Variants in ANAPC7 observed in about 807,000 individuals in gnomAD.
The protein encoded by ANAPC7 is anaphase-promoting complex subunit 7.
ANAPC7 carries 25 observed loss-of-function variants against 63.3 expected under a neutral mutation model. The ratio of observed to expected loss-of-function variants is 0.39; its 90% CI spans 0.29 to 0.55. The LOEUF is 0.55. Among genes scored for constraint, ANAPC7 ranks in the 20% least tolerant of loss-of-function variants. The pLI is 0.57. For missense variants in ANAPC7, 516 were observed against 691.7 expected (o/e 0.75, Z 2.85); for synonymous variants, 241 against 251.7 (o/e 0.96, Z 0.40).
intron 1 of ANAPC7, among the ~76,000 whole-genome samples, chr12:110,396,801 C>A (rs28653722): frequency 1.3e-5 from 2 of 151,842 alleles, no homozygotes; most frequent in African/African-American, 4.8e-5. Context: ...AGGCGTGAGC[C>A]ATCATGCCTG....
chr12:110,391,534 T>C (rs1883083799), intron 3 of ANAPC7, among the ~76,000 whole-genome samples: 1 of 152,160 alleles, frequency 6.6e-6, no homozygotes, highest in Non-Finnish European at 1.5e-5. Context: ...GTAAATGTTA[T>C]AGGTTTATGT....
At chr12:110,381,494 GC>G (rs892828871) in intron 8 of ANAPC7, among the ~76,000 whole-genome samples, 1 of 152,076 alleles carries the variant, frequency 6.6e-6, no homozygotes, top group Admixed American at 6.6e-5. Flanking sequence ...GAGCCACCAT[GC>G]CCAGCTAATT....
chr12:110,387,245 G>T, intron 5 of ANAPC7: 1 of 106,120 alleles, frequency 9.4e-6, no homozygotes, highest in Non-Finnish European at 2.0e-5. Context: ...GAGACAGAGA[G>T]ACAGAGAGAC....
At chr12:110,392,198 G>C (rs956656049) in intron 3 of ANAPC7, among the ~76,000 whole-genome samples, 21 of 151,454 alleles carry the variant, frequency 1.4e-4, no homozygotes, top group African/African-American at 5.1e-4. Flanking sequence ...TGGAGTAAGA[G>C]AAGACTTTCA....
At chr12:110,395,318 C>CTTTT in intron 2 of ANAPC7, 98 bp from the exon 3 acceptor site, 3 of 988,614 alleles carry the variant, frequency 3.0e-6, no homozygotes, top group Non-Finnish European at 4.2e-6. Context: ...CCCAGCAATT[C>CTTTT]TTTTTTTTTT....
At chr12:110,392,232 T>C (rs574910681) in intron 3 of ANAPC7, among the ~76,000 whole-genome samples, 1 of 152,292 alleles carries the variant, frequency 6.6e-6, no homozygotes. Flanking sequence ...CAGGATTTAG[T>C]ATACAGCATC....
At chr12:110,397,241 A>C (rs961810297) in intron 1 of ANAPC7, among the ~76,000 whole-genome samples, 6 of 150,736 alleles carry the variant, frequency 4.0e-5, no homozygotes, top group African/African-American at 1.5e-4. Context: ...GAAGTTTGAA[A>C]AAACCTGAAA....
intron 3 of ANAPC7, among the ~76,000 whole-genome samples, chr12:110,392,324 C>T (rs1050443310): frequency 6.6e-6 from 1 of 152,054 alleles, no homozygotes; most frequent in African/African-American, 2.4e-5. Context: ...GAAGAAATAG[C>T]TTCAAAAACT....
In ANAPC7 at chr12:110,382,456, AAAAAAATATATATATATAT is replaced by A. The variant is rs1373196747; in HGVS notation, c.935+368_935+386del. Among the ~76,000 whole-genome samples, 11 of 86,182 alleles carry A rather than the reference AAAAAAATATATATATATAT, an allele frequency of 1.3e-4. 1 individual carries two copies. The highest frequency in any genetic ancestry group is 1.1e-3 in the South Asian group (3 of 2,712). 56.5% of individuals were successfully genotyped at this position (86,182 alleles called of 152,430 possible). A position where few individuals can be genotyped will look rare whatever the true frequency, so the allele number is the denominator to read the frequency against. On this transcript the variant is annotated intron_variant, in intron 7 of 10. Transcript: ENST00000455511. Reference sequence around the variant, plus strand: ...ATTATCCTTTTAAAAAAAAAAAAAAAAAAAAATATATATATATATATATATATATATATATATATTTATA... The same window carrying A: ...ATTATCCTTTTAAAAAAAAAAAAAAAATATATATATATATATATATTTATA...
At chr12:110,375,836 G>A in intron 10 of ANAPC7, 6 of 1,220,478 alleles carry the variant, frequency 4.9e-6, no homozygotes, top group East Asian at 3.5e-5. Context: ...AGATGTTATA[G>A]TGGTGTGGGA....
At position 110,382,024 on chromosome 12, in the gene ANAPC7, C is replaced by A. The variant is rs140284932; in HGVS notation, c.936-76G>T. 6.9e-4 allele frequency: 950 copies of A among 1,381,038 alleles called. 2 individuals carry two copies. The African/African-American group carries it at 0.012, about 17-fold the overall frequency. The allele number at this position is 1,381,038 out of a possible 1,614,324, so 85.5% of individuals were successfully genotyped here. On this transcript the variant is annotated intron_variant, in intron 7 of 10. Coordinates refer to ENST00000455511, the MANE Select transcript of ANAPC7 (RefSeq NM_016238.3). ...GAGAAGACTACAAAGAAAGTTGATC[C>A]AAAAATCATATTGAAGGCCCTGAAC...
At chr12:110,391,214 C>A (rs1055075010) in intron 3 of ANAPC7, among the ~76,000 whole-genome samples, 2 of 151,972 alleles carry the variant, frequency 1.3e-5, no homozygotes, top group African/African-American at 4.8e-5. Context: ...AAAAAGTCAA[C>A]TATTTTAAAA....
intron 8 of ANAPC7, among the ~76,000 whole-genome samples, chr12:110,380,421 G>C (rs1881711990): frequency 6.7e-6 from 1 of 150,062 alleles, no homozygotes; most frequent in Non-Finnish European, 1.5e-5. Flanking sequence ...GGGAGGCCAA[G>C]GCAGGCAGCT....
rs534317864 is a variant in ANAPC7, at chr12:110,374,962, G to C, written c.1509-629C>G. Among the ~76,000 whole-genome samples, 17 of 143,666 alleles carry C rather than the reference G, an allele frequency of 1.2e-4. No homozygotes were observed. The East Asian group carries it at 3.5e-3, about 29-fold the overall frequency. 94.3% of individuals were successfully genotyped at this position (143,666 alleles called of 152,430 possible). A position where few individuals can be genotyped will look rare whatever the true frequency, so the allele number is the denominator to read the frequency against. ...GAGCCTCTAGAACATTCATTTATTT[G>C]CCTCCTAAGCAATCTTTCCTCTTGC... On this transcript the variant is annotated intron_variant, in intron 10 of 10. Coordinates refer to ENST00000455511, the MANE Select transcript of ANAPC7 (RefSeq NM_016238.3).
chr12:110,403,602 T>G lies in ANAPC7; in HGVS notation c.26A>C (p.Asp9Ala). 1 of 1,607,426 alleles carries G rather than the reference T, an allele frequency of 6.2e-7. No homozygotes were observed. Among genetic ancestry groups the G allele is most frequent in the Non-Finnish European group, 8.5e-7 (1 of 1,177,222 alleles). The change falls in exon 1 of 11, where the codon GAC (aspartate) becomes GCC (alanine). Residue 9 changes from aspartate (D) to alanine (A), a missense_variant. Coordinates refer to ENST00000455511, the MANE Select transcript of ANAPC7 (RefSeq NM_016238.3). MNVIDHVR[D>A]MAAAGLHSNV... ...GGAGTGCAGCCCCGCGGCCGCCATG[T>G]CCCGCACGTGGTCTATCACATTCAT...
chr12:110,377,705 C>G (rs748088234), intron 8 of ANAPC7, 88 bp from the exon 9 acceptor site: 41 of 1,579,350 alleles, frequency 2.6e-5, no homozygotes, highest in Non-Finnish European at 3.4e-5. Flanking sequence ...AATTGCTAAC[C>G]TTCAAAGTTT....
rs376661785 is a variant in ANAPC7, at chr12:110,377,658, C to T, written c.1133-41G>A. The T allele has an allele frequency of 8.7e-5, 140 of 1,611,194 alleles. No homozygotes were observed. The African/African-American group carries it at 1.4e-3, about 16-fold the overall frequency. On this transcript the variant is annotated intron_variant, in intron 8 of 10. Coordinates refer to ENST00000455511, the MANE Select transcript of ANAPC7 (RefSeq NM_016238.3). ...CACGTGAAGACATTCAATGCCATTA[C>T]CATTCCAACCCATGCTTCCACTCTG...
chr12:110,375,336 T>G, intron 10 of ANAPC7: 1 of 802,770 alleles, frequency 1.2e-6, no homozygotes. Flanking sequence ...GCATCTCCAG[T>G]TGTCACTGAG....
intron 10 of ANAPC7, among the ~76,000 whole-genome samples, chr12:110,374,845 T>G (rs1467318197): frequency 1.3e-5 from 2 of 152,090 alleles, no homozygotes; most frequent in Non-Finnish European, 2.9e-5. Context: ...AACACCTAGG[T>G]CAGACCCCAG....
Sources: gnomAD v4.1 joint callset for allele counts (sites outside exome capture counted in the v4.1 genomes callset) on GRCh38, gnomAD v4.1.1 for gene constraint, MANE v1.5 for transcripts, NCBI Gene and HGNC (gene_info 2026-07-23, HGNC 2026-07-21) for gene names.